The following PSD4 variants were observed in gnomAD, a reference collection of about 807,000 sequenced individuals.
The protein encoded by PSD4 is PH and SEC7 domain-containing protein 4.
In PSD4, 59 loss-of-function variants were observed where a neutral mutation model predicts 112.5. The observed-to-expected ratio is 0.52, with a 90% confidence interval of 0.43 to 0.65. The LOEUF (loss-of-function observed/expected upper bound fraction) is 0.65, where lower values mean the gene tolerates loss of function less well. Ranked by LOEUF, PSD4 falls within the 30% of genes least tolerant of loss-of-function variation. The probability of loss-of-function intolerance (pLI) is 0.00; values close to 1 mark genes in which losing one functional copy is unlikely to be tolerated. For synonymous variants in PSD4, 533 were observed against 540.0 expected, an observed-to-expected ratio of 0.99 and a Z score of 0.18; for missense variants, 1,267 against 1,352.6, an observed-to-expected ratio of 0.94 and a Z score of 0.99.
intron 5 of PSD4, among the ~76,000 whole-genome samples, chr2:113,187,662 C>G (rs915226273): frequency 6.6e-6 from 1 of 152,240 alleles, no homozygotes; most frequent in Non-Finnish European, 1.5e-5. Flanking sequence ...TCCCCCACAA[C>G]GTCACAATCA....
chr2:113,181,493 T>G (rs1327467412), intron 1 of PSD4, among the ~76,000 whole-genome samples: 3 of 152,242 alleles, frequency 2.0e-5, no homozygotes, highest in African/African-American at 7.2e-5. Context: ...TGGGCTCATC[T>G]GATAAGGGCC....
Position 113,182,337 on chromosome 2 carries a change from C to T in PSD4, c.-111-9C>T. The stretch of plus-strand genomic sequence containing the variant: ...TTCCCTAACCTGCACTTGCTTTGGG[C>T]ATTTCCAGGGTAGATATGGATTCCC... On this transcript the variant is annotated splice_polypyrimidine_tract_variant and intron_variant, in intron 1 of 16. Coordinates refer to ENST00000245796, the MANE Select transcript of PSD4 (RefSeq NM_012455.3). 1.0e-6 allele frequency: 1 copy of T among 994,952 alleles called. No homozygotes were observed. The highest frequency in any genetic ancestry group is 2.5e-5 in the East Asian group (1 of 39,348). 61.6% of individuals were successfully genotyped at this position (994,952 alleles called of 1,614,324 possible). A position where few individuals can be genotyped will look rare whatever the true frequency, so the allele number is the denominator to read the frequency against.
Position 113,185,673 on chromosome 2 carries a change from A to T in PSD4, c.1250-204A>T, listed in dbSNP as rs7570503. 7.6e-3 allele frequency: 11,690 copies of T among 1,547,994 alleles called. 690 individuals carry two copies. The African/African-American group carries it at 0.13, about 18-fold the overall frequency. On this transcript the variant is annotated intron_variant, in intron 4 of 16. Transcript: ENST00000245796. ...TCTTAATGGTTTAGCAAAGGTCCTG[A>T]GCCCTTAGTTGCCTGGAGGCTTGAG... is the stretch of plus-strand genomic sequence containing the variant.
chr2:113,185,105 T>G, intron 3 of PSD4, 32 bp downstream of exon 3: 1 of 1,613,798 alleles, frequency 6.2e-7, no homozygotes, highest in South Asian at 1.1e-5. Flanking sequence ...GGCCTTACTT[T>G]CTCCATCTTT....
At chr2:113,189,479 G>A (rs1409820516) in intron 5 of PSD4, among the ~76,000 whole-genome samples, 1 of 152,062 alleles carries the variant, frequency 6.6e-6, no homozygotes, top group Non-Finnish European at 1.5e-5. Context: ...ATAAGCATGT[G>A]TATGCAAGTA....
At chr2:113,191,861 TG>T (rs1269807053) in intron 5 of PSD4, among the ~76,000 whole-genome samples, 2 of 152,024 alleles carry the variant, frequency 1.3e-5, no homozygotes, top group African/African-American at 4.8e-5. Context: ...AGGGAGAGGC[TG>T]AGGACCACCT....
At chr2:113,197,103 G>C (rs151285545) in intron 12 of PSD4, 2 of 224,256 alleles carry the variant, frequency 8.9e-6, no homozygotes, top group African/African-American at 4.6e-5. Context: ...AAGAGGGCAG[G>C]TGGTGCTCAG....
chr2:113,198,069 G>A, intron 14 of PSD4, 156 bp downstream of exon 14: 1 of 988,392 alleles, frequency 1.0e-6, no homozygotes, highest in Non-Finnish European at 1.4e-6. Flanking sequence ...GCAGGAAGAG[G>A]AGCTGGGGAC....
intron 1 of PSD4, among the ~76,000 whole-genome samples, chr2:113,180,755 G>A (rs1688109299): frequency 6.6e-6 from 1 of 152,164 alleles, no homozygotes; most frequent in Non-Finnish European, 1.5e-5. Context: ...ATGTGGAAGG[G>A]GCTGTTGTTC....
chr2:113,178,807 G>C (rs530194243), intron 1 of PSD4, among the ~76,000 whole-genome samples: 11 of 152,240 alleles, frequency 7.2e-5, no homozygotes, highest in African/African-American at 2.6e-4. Flanking sequence ...GTGTGGAGTT[G>C]GGTGAATGAG....
intron 8 of PSD4, 47 bp from the exon 9 acceptor site, chr2:113,193,545 C>G: frequency 6.4e-7 from 1 of 1,572,390 alleles, no homozygotes; most frequent in Non-Finnish European, 8.8e-7. Context: ...GAAACAGGAG[C>G]CCTGGTTCCA....
At position 113,206,900 on chromosome 2, in the gene PSD4, A is replaced by G. The variant is rs1207022116; in HGVS notation, c.*5485A>G. 6.6e-6 allele frequency: 1 copy of G among 152,118 alleles called. No homozygotes were observed. Among genetic ancestry groups the G allele is most frequent in the African/African-American group, 2.4e-5 (1 of 41,428 alleles). 9.4% of individuals were successfully genotyped at this position (152,118 alleles called of 1,614,324 possible). Reference sequence around the variant, plus strand: ...CTCAAATGAGCTTTAGCAGAAAAGGACTTTGATTGGCTCCAATAGCTGAAT... The same window carrying G: ...CTCAAATGAGCTTTAGCAGAAAAGGGCTTTGATTGGCTCCAATAGCTGAAT... On this transcript the variant is annotated 3_prime_UTR_variant, in exon 17 of 17. Transcript: ENST00000245796.
intron 1 of PSD4, among the ~76,000 whole-genome samples, chr2:113,178,001 T>C (rs1688023646): frequency 6.6e-6 from 1 of 152,160 alleles, no homozygotes; most frequent in African/African-American, 2.4e-5. Flanking sequence ...GTGGATCACC[T>C]GAGGTCAGGA....
intron 10 of PSD4, 103 bp downstream of exon 10, chr2:113,194,051 T>C: frequency 9.0e-7 from 1 of 1,105,392 alleles, no homozygotes; most frequent in South Asian, 1.4e-5. Flanking sequence ...TGCCAAAATA[T>C]CCTTGAGAGA....
intron 1 of PSD4, among the ~76,000 whole-genome samples, chr2:113,180,427 G>C (rs1573350883): frequency 6.6e-6 from 1 of 152,202 alleles, no homozygotes; most frequent in Non-Finnish European, 1.5e-5. Flanking sequence ...ATGTGTGCTG[G>C]TTAGGGCCCT....
Position 113,182,676 on chromosome 2 carries a change from C to T in PSD4, c.220C>T (p.His74Tyr), listed in dbSNP as rs147954742. 1.5e-4 allele frequency: 249 copies of T among 1,612,602 alleles called. No homozygotes were observed. Among genetic ancestry groups the T allele is most frequent in the Non-Finnish European group, 2.0e-4 (241 of 1,179,296 alleles). ...PPWGSGVELT[H>Y]LGSWVHQDGL... ...CTGGGGCTCCGGTGTGGAGCTCACA[C>T]ACCTGGGGAGCTGGGTCCATCAGGA... The change falls in exon 2 of 17, where the codon CAC becomes TAC. Residue 74 changes from histidine (H) to tyrosine (Y), a missense_variant. His to Tyr is a moderately conservative substitution (Grantham distance 83). Transcript: ENST00000245796.
At chr2:113,186,801 A>G (rs975696785) in intron 5 of PSD4, among the ~76,000 whole-genome samples, 1 of 152,194 alleles carries the variant, frequency 6.6e-6, no homozygotes, top group Non-Finnish European at 1.5e-5. Flanking sequence ...GTAACCCCAG[A>G]ACTGTGACCA....
intron 10 of PSD4, 147 bp downstream of exon 10, chr2:113,194,095 G>A: frequency 1.4e-6 from 1 of 721,132 alleles, no homozygotes; most frequent in South Asian, 1.9e-5. Flanking sequence ...TAGTAAAAGT[G>A]TATTCCCTGG....
intron 12 of PSD4, 132 bp from the exon 13 acceptor site, chr2:113,197,432 A>G: frequency 1.1e-6 from 1 of 892,200 alleles, no homozygotes; most frequent in Admixed American, 2.0e-5. Context: ...CATGTTCTGC[A>G]TTTGTGTGCA....
Sources: allele counts gnomAD v4.1 joint callset (sites outside exome capture counted in the v4.1 genomes callset), GRCh38; gene constraint gnomAD v4.1.1; transcripts MANE v1.5; gene names NCBI Gene and HGNC (gene_info 2026-07-23, HGNC 2026-07-21).